The following MAP3K5 variants were observed in gnomAD, a reference collection of about 807,000 sequenced individuals.
MAP3K5 encodes ASK-1.
MAP3K5 carries 56 observed loss-of-function variants against 158.7 expected under a neutral mutation model. The observed-to-expected ratio is 0.35, with a 90% CI of 0.28 to 0.44. The LOEUF is 0.44. Among genes scored for constraint, MAP3K5 ranks in the 20% least tolerant of loss-of-function variants. MAP3K5 has a pLI of 1.00. For missense variants in MAP3K5, 1,294 were observed against 1,674.8 expected (o/e 0.77, Z 3.97); for synonymous variants, 579 against 601.7 (o/e 0.96, Z 0.55).
rs776586986 is a variant in MAP3K5, at chr6:136,792,196, C to T, written c.-39G>A. ...GCAGCAACGGCGGCGGCGTCCCCCG[C>T]CCAGCCGCACCGCCTGGCCAGCCAC... On this transcript the variant is annotated 5_prime_UTR_variant, in exon 1 of 30. Transcript: ENST00000359015. This position sits in a 1 kb window ranked among gnomAD's most constrained non-coding sequence, Gnocchi z 5.7. 1.3e-6 allele frequency: 2 copies of T among 1,519,838 alleles called. No individual in the cohort carries two copies. Among genetic ancestry groups the T allele is most frequent in the Non-Finnish European group, 1.8e-6 (2 of 1,138,094 alleles). 94.1% of individuals were successfully genotyped at this position (1,519,838 alleles called of 1,614,324 possible).
intron 7 of MAP3K5, among the ~76,000 whole-genome samples, chr6:136,672,078 T>C (rs1250155887): frequency 6.6e-6 from 1 of 152,180 alleles, no homozygotes; most frequent in Non-Finnish European, 1.5e-5. Context: ...CCAATAATAC[T>C]ATAAAGTATA....
At chr6:136,604,324 CA>C (rs898068066) in intron 19 of MAP3K5, among the ~76,000 whole-genome samples, 1 of 103,632 alleles carries the variant, frequency 9.6e-6, no homozygotes, top group South Asian at 3.0e-4. Context: ...TCTGTCTCCA[CA>C]AAAAAAAAGA....
intron 8 of MAP3K5, 40 bp downstream of exon 8, chr6:136,669,243 A>C (rs756522600): frequency 1.9e-5 from 25 of 1,317,926 alleles, no homozygotes; most frequent in Non-Finnish European, 2.6e-5. Context: ...AGTTGGGTCC[A>C]GTTTCTTGAT....
At chr6:136,710,205 G>T (rs1176662082) in intron 2 of MAP3K5, among the ~76,000 whole-genome samples, 1 of 152,144 alleles carries the variant, frequency 6.6e-6, no homozygotes, top group Non-Finnish European at 1.5e-5. Flanking sequence ...AAAGAGGGGT[G>T]GGAAGGAAAG....
At chr6:136,785,902 A>C (rs1784824038) in intron 1 of MAP3K5, among the ~76,000 whole-genome samples, 1 of 152,218 alleles carries the variant, frequency 6.6e-6, no homozygotes, top group Non-Finnish European at 1.5e-5. Context: ...AACTGTGTTA[A>C]CCAGGCTTCT....
intron 1 of MAP3K5, among the ~76,000 whole-genome samples, chr6:136,730,153 GTT>G (rs60058823): frequency 1.7e-4 from 23 of 133,370 alleles, no homozygotes; most frequent in South Asian, 4.4e-4. Flanking sequence ...TTGTTTGGTT[GTT>G]TTTTTTTTTT....
At position 136,792,266 on chromosome 6, in the gene MAP3K5, G is replaced by T; in HGVS notation, c.-109C>A. The T allele has an allele frequency of 8.4e-7, 1 of 1,184,656 alleles. No homozygotes were observed. Among genetic ancestry groups the T allele is most frequent in the South Asian group, 4.0e-5 (1 of 24,772 alleles). The allele number at this position is 1,184,656 out of a possible 1,614,324, so 73.4% of individuals were successfully genotyped here. On this transcript the variant is annotated 5_prime_UTR_variant, in exon 1 of 30. Transcript: ENST00000359015. This position sits in a 1 kb window ranked among gnomAD's most constrained non-coding sequence, Gnocchi z 5.7. ...CCCGCCGGGCTAAGCAGCTGCCATC[G>T]CGCGCCGCGCCCTCGCCGCCGCGCC...
chr6:136,593,582 C>G, intron 21 of MAP3K5: 1 of 323,170 alleles, frequency 3.1e-6, no homozygotes, highest in Non-Finnish European at 6.1e-6. Context: ...TATGCCTGAA[C>G]AGTTCACAGA....
rs1450715097 is a variant in MAP3K5, at chr6:136,792,307, G to A, written c.-150C>T. ...CCGCCGCGCCGCCGCCTCCTCTCCG[G>A]CGCCCTCTCCCCCGAGGGCACGCCG... On this transcript the variant is annotated 5_prime_UTR_variant, in exon 1 of 30. Transcript: ENST00000359015. The surrounding 1 kb of genome is among the most constrained non-coding windows in gnomAD (Gnocchi z 5.7). 2.9e-5 allele frequency: 30 copies of A among 1,042,542 alleles called. No homozygotes were observed. The highest frequency in any genetic ancestry group is 3.4e-5 in the Non-Finnish European group (30 of 874,466). The allele number at this position is 1,042,542 out of a possible 1,614,324, so 64.6% of individuals were successfully genotyped here.
chr6:136,723,325 TAAA>T (rs1562646067), intron 1 of MAP3K5, among the ~76,000 whole-genome samples: 1 of 151,676 alleles, frequency 6.6e-6, no homozygotes, highest in Admixed American at 6.6e-5. Flanking sequence ...CAAGTAAAAA[TAAA>T]AAGTAAAATA....
intron 2 of MAP3K5, among the ~76,000 whole-genome samples, chr6:136,712,568 T>C (rs911185): frequency 0.55 from 83,765 of 151,988 alleles, 23,749 homozygotes; most frequent in African/African-American, 0.68. Flanking sequence ...CCTAATTGGG[T>C]CACATTATTC....
chr6:136,698,467 G>T (rs374118107), intron 4 of MAP3K5, 22 bp downstream of exon 4: 7 of 1,598,396 alleles, frequency 4.4e-6, no homozygotes, highest in Admixed American at 1.7e-5. Context: ...ATCACCAAAT[G>T]GCATTATTAA....
At chr6:136,597,685 C>T (rs1428437198) in intron 21 of MAP3K5, among the ~76,000 whole-genome samples, 1 of 152,210 alleles carries the variant, frequency 6.6e-6, no homozygotes, top group Non-Finnish European at 1.5e-5. Flanking sequence ...GATCTGGGAC[C>T]AACTGAGGCA....
At chr6:136,737,402 A>G (rs1425046187) in intron 1 of MAP3K5, among the ~76,000 whole-genome samples, 1 of 152,238 alleles carries the variant, frequency 6.6e-6, no homozygotes, top group Non-Finnish European at 1.5e-5. Context: ...AAAGTTGAAA[A>G]AAAGGCCAGC....
At chr6:136,583,825 C>G in intron 23 of MAP3K5, 85 bp from the exon 24 acceptor site, 2 of 1,307,334 alleles carry the variant, frequency 1.5e-6, no homozygotes, top group South Asian at 2.8e-5. Flanking sequence ...CCCCTGCCCC[C>G]ACATTTTTTT....
chr6:136,760,710 C>T (rs1158908288), intron 1 of MAP3K5, among the ~76,000 whole-genome samples: 1 of 152,184 alleles, frequency 6.6e-6, no homozygotes, highest in Non-Finnish European at 1.5e-5. Context: ...TGGCTCACGC[C>T]TGTAATCCCA....
At chr6:136,637,257 C>T in intron 14 of MAP3K5, 68 bp downstream of exon 14, 1 of 1,359,616 alleles carries the variant, frequency 7.4e-7, no homozygotes, top group Admixed American at 1.7e-5. Flanking sequence ...TGCCTCCTGC[C>T]TCAGTAAGGC....
chr6:136,659,279 T>C lies in MAP3K5; in HGVS notation c.1466A>G (p.Asn489Ser), dbSNP rs1778902301. 6.2e-6 allele frequency: 10 copies of C among 1,614,180 alleles called. No individual in the cohort carries two copies. The highest frequency in any genetic ancestry group is 2.7e-5 in the African/African-American group (2 of 75,052). Residue 489 changes from asparagine to serine, a missense_variant, in exon 9 of 30, where the codon AAT (asparagine) becomes AGT (serine). Asn to Ser is a conservative substitution (Grantham distance 46). Around this residue, in one of 5 missense-constraint regions of MAP3K5, gnomAD observed 690 missense variants for 870.5 expected, o/e 0.79. Coordinates refer to ENST00000359015, the MANE Select transcript of MAP3K5 (RefSeq NM_005923.4). Reference protein sequence around the residue: ...GFFLGASVLANDHMRVIQASE... With the variant: ...GFFLGASVLASDHMRVIQASE... ...TGCTTGAATGACTCTCATGTGGTCA[T>C]TGGCTAGGACGCTGGCCCCCAGAAA...
chr6:136,698,713 G>A, intron 3 of MAP3K5, 31 bp from the exon 4 acceptor site: 1 of 1,564,300 alleles, frequency 6.4e-7, no homozygotes, highest in African/African-American at 1.4e-5. Flanking sequence ...GGCAAGTGGG[G>A]AGCTGGCCTG....
Sources: allele counts gnomAD v4.1 joint callset (sites outside exome capture counted in the v4.1 genomes callset), GRCh38; gene constraint gnomAD v4.1.1; regional missense constraint gnomAD v4.1.1; non-coding constraint Gnocchi (gnomAD v3.1); transcripts MANE v1.5; gene names NCBI Gene and HGNC (gene_info 2026-07-23, HGNC 2026-07-21).